PTPN3: variants seen among roughly 807,000 people sequenced by gnomAD.
PTPN3 encodes the protein tyrosine-protein phosphatase non-receptor type 3.
PTPN3 carries 96 observed loss-of-function variants against 132.7 expected under a neutral mutation model. The ratio of observed to expected loss-of-function variants is 0.72; its 90% CI spans 0.61 to 0.86. The LOEUF is 0.86. Among genes scored for constraint, PTPN3 ranks in the 40% least tolerant of loss-of-function variants. The pLI, the probability that PTPN3 is intolerant of heterozygous loss-of-function variation, is 0.00. For synonymous variants in PTPN3, 398 were observed against 429.0 expected, an observed-to-expected ratio of 0.93 and a Z score of 0.89; for missense variants, 1,125 against 1,159.6, an observed-to-expected ratio of 0.97 and a Z score of 0.43.
Position 109,410,230 on chromosome 9 carries a change from T to C in PTPN3, c.1499A>G (p.Lys500Arg). The C allele has an allele frequency of 6.2e-7, 1 of 1,613,624 alleles. No individual in the cohort carries two copies. Among genetic ancestry groups the C allele is most frequent in the Non-Finnish European group, 8.5e-7 (1 of 1,179,632 alleles). ...ACCCGGCTGCCTGCGCTCGCTCACC[T>C]TGTCACAGTAGTACTGGCTGGCGTC... ...TEDASQYYCDKNDNGDSYLVL... is the reference protein window; with the variant it reads ...TEDASQYYCDRNDNGDSYLVL... Residue 500 changes from lysine to arginine, a missense_variant and splice_region_variant, in exon 15 of 26, where the codon AAG (lysine) becomes AGG (arginine). Physicochemically the swap from Lys to Arg is conservative, Grantham distance 26. Coordinates refer to ENST00000374541, the MANE Select transcript of PTPN3 (RefSeq NM_002829.4).
chr9:109,528,459 A>C, the PTPN3 span, among the ~76,000 whole-genome samples: 1 of 152,252 alleles, frequency 6.6e-6, no homozygotes, highest in Admixed American at 6.5e-5. Flanking sequence ...GATGAGCCAA[A>C]GAAGCTAGAC....
At chr9:109,379,666 A>G (rs772875589) in intron 25 of PTPN3, 33 bp from the exon 26 acceptor site, 2 of 1,568,624 alleles carry the variant, frequency 1.3e-6, no homozygotes, top group Non-Finnish European at 1.8e-6. Context: ...CAAGTCCTGT[A>G]GCTCCAGGAA....
chr9:109,413,427 G>A (rs931962630), intron 14 of PTPN3, among the ~76,000 whole-genome samples: 11 of 152,212 alleles, frequency 7.2e-5, no homozygotes, highest in African/African-American at 2.7e-4. Context: ...CATCAAATGA[G>A]GAGATGCAAT....
chr9:109,401,621 G>A (rs947187757), intron 19 of PTPN3, among the ~76,000 whole-genome samples: 3 of 152,196 alleles, frequency 2.0e-5, no homozygotes, highest in Admixed American at 2.0e-4. Flanking sequence ...CTTTTCCTCA[G>A]TGAGAGCCCA....
chr9:109,527,252 G>C, the PTPN3 span, among the ~76,000 whole-genome samples: 1 of 152,208 alleles, frequency 6.6e-6, no homozygotes, highest in Non-Finnish European at 1.5e-5. Context: ...TTTGAGGCCA[G>C]GAGTTCAAGA....
At chr9:109,534,429 G>A in the PTPN3 span, 1 of 1,356,790 alleles carries the variant, frequency 7.4e-7, no homozygotes, top group Non-Finnish European at 9.6e-7. Context: ...GGCTGCTCAG[G>A]GCTCTCTGGG....
chr9:109,517,882 G>T, the PTPN3 span, among the ~76,000 whole-genome samples: 1 of 152,152 alleles, frequency 6.6e-6, no homozygotes, highest in African/African-American at 2.4e-5. Context: ...AGCTGGGTAG[G>T]ATGAGAGAGA....
rs1841076073 is a variant in PTPN3 at position 109,401,310 on chromosome 9, T to C, written c.1953+3138A>G. ...TGTGCATCAAAACAGGTGCTGATCTTGTTAAAAGTATCAGTATCTAGGTCC... is the reference window on the plus strand; with the variant it reads ...TGTGCATCAAAACAGGTGCTGATCTCGTTAAAAGTATCAGTATCTAGGTCC... On this transcript the variant is annotated intron_variant, in intron 19 of 25. Coordinates refer to ENST00000374541, the MANE Select transcript of PTPN3 (RefSeq NM_002829.4). Among the ~76,000 whole-genome samples the C allele has an allele frequency of 7.9e-5, 12 of 152,274 alleles. 1 individual carries two copies. The South Asian group carries it at 2.3e-3, about 29-fold the overall frequency.
In PTPN3 at chr9:109,409,554, C is replaced by T. The variant is rs574367954; in HGVS notation, c.1578+445G>A. 2.4e-4 allele frequency among the ~76,000 whole-genome samples: 36 copies of T among 152,104 alleles called. No homozygotes were observed. In the East Asian group the frequency reaches 3.5e-3, roughly 15 times the overall value. ...AAACCTCTCAATTCTAGGCTGGGTGCGGTGGTTCACGCCTGTAATCCCGGC... is the reference window on the plus strand; with the variant it reads ...AAACCTCTCAATTCTAGGCTGGGTGTGGTGGTTCACGCCTGTAATCCCGGC... On this transcript the variant is annotated intron_variant, in intron 16 of 25. Transcript: ENST00000374541.
chr9:109,500,161 G>C (rs1264998159), upstream of PTPN3, among the ~76,000 whole-genome samples: 1 of 152,248 alleles, frequency 6.6e-6, no homozygotes, highest in Non-Finnish European at 1.5e-5. Context: ...TAAGGAACGT[G>C]AACGTGTTTA....
At chr9:109,471,213 C>T (rs1015471310) in intron 1 of PTPN3, among the ~76,000 whole-genome samples, 18 of 152,118 alleles carry the variant, frequency 1.2e-4, no homozygotes, top group Admixed American at 5.9e-4. Context: ...TGTGCCACCA[C>T]GCCCAACTAA....
chr9:109,415,072 A>ATCCG (rs1564413708), intron 14 of PTPN3, among the ~76,000 whole-genome samples: 2 of 88,396 alleles, frequency 2.3e-5, no homozygotes, highest in South Asian at 5.1e-4. Flanking sequence ...CCGTCCGTCC[A>ATCCG]TCCAACCATC....
intron 19 of PTPN3, among the ~76,000 whole-genome samples, chr9:109,403,504 T>A (rs1256481958): frequency 2.0e-5 from 3 of 152,214 alleles, no homozygotes; most frequent in Non-Finnish European, 4.4e-5. Flanking sequence ...TGTTATTTCT[T>A]TTATTACAGG....
Position 109,379,443 on chromosome 9 carries a change from G to A in PTPN3, c.*113C>T. 2.2e-6 allele frequency: 2 copies of A among 899,566 alleles called. No individual in the cohort carries two copies. The highest frequency in any genetic ancestry group is 3.6e-6 in the Non-Finnish European group (2 of 555,162). 55.7% of individuals were successfully genotyped at this position (899,566 alleles called of 1,614,324 possible). ...GTTTAAAGTGCCTGGGTTCAGAGGT[G>A]CCCATTCCTTTCCCACAGCTACTGG... On this transcript the variant is annotated 3_prime_UTR_variant, in exon 26 of 26. Coordinates refer to ENST00000374541, the MANE Select transcript of PTPN3 (RefSeq NM_002829.4).
intron 19 of PTPN3, among the ~76,000 whole-genome samples, chr9:109,399,155 T>C (rs890502857): frequency 6.6e-6 from 1 of 151,164 alleles, no homozygotes; most frequent in Non-Finnish European, 1.5e-5. Flanking sequence ...CGACAATAAG[T>C]TAAAATTTTA....
chr9:109,535,708 C>T, the PTPN3 span, among the ~76,000 whole-genome samples: 90 of 152,084 alleles, frequency 5.9e-4, no homozygotes, highest in African/African-American at 2.1e-3. Context: ...GGTTTCACCA[C>T]GTTGGCCAGG....
At chr9:109,488,448 A>T (rs1309513622) in intron 1 of PTPN3, among the ~76,000 whole-genome samples, 1 of 152,080 alleles carries the variant, frequency 6.6e-6, no homozygotes, top group Non-Finnish European at 1.5e-5. Context: ...TTAACCAGAA[A>T]ATCTTTCCAA....
intron 25 of PTPN3, 90 bp from the exon 26 acceptor site, chr9:109,379,723 T>A: frequency 8.9e-7 from 1 of 1,124,804 alleles, no homozygotes; most frequent in Non-Finnish European, 1.3e-6. Flanking sequence ...GCAGCATTTG[T>A]AAATATTCCC....
intron 2 of PTPN3, among the ~76,000 whole-genome samples, chr9:109,461,392 C>T (rs773087080): frequency 5.3e-5 from 8 of 152,106 alleles, no homozygotes; most frequent in Non-Finnish European, 1.0e-4. Flanking sequence ...GAAATGTTTA[C>T]CAAAGCTGAG....
Sources: gnomAD v4.1 joint callset for allele counts (sites outside exome capture counted in the v4.1 genomes callset) on GRCh38, gnomAD v4.1.1 for gene constraint, MANE v1.5 for transcripts, NCBI Gene and HGNC (gene_info 2026-07-23, HGNC 2026-07-21) for gene names.